NEBL: variants seen among roughly 807,000 people sequenced by gnomAD.
NEBL encodes the protein nebulette.
Under a neutral mutation model 140.2 loss-of-function variants are expected in NEBL, and 122 were observed. That is an observed-to-expected ratio of 0.87 (90% CI 0.75 to 1.01). The LOEUF (loss-of-function observed/expected upper bound fraction) is 1.01, where lower values mean the gene tolerates loss of function less well. Ranked by LOEUF, NEBL falls within the 50% of genes least tolerant of loss-of-function variation. The pLI is 0.00. For missense variants in NEBL, 1,365 were observed against 1,231.3 expected, an observed-to-expected ratio of 1.11 and a Z score of -1.62; for synonymous variants, 436 against 398.9, an observed-to-expected ratio of 1.09 and a Z score of -1.11.
intron 1 of NEBL, among the ~76,000 whole-genome samples, chr10:21,264,598 T>C (rs1387464681): frequency 6.7e-6 from 1 of 148,666 alleles, no homozygotes; most frequent in Non-Finnish European, 1.5e-5. Context: ...TGATGATTAA[T>C]GCAGAGGTGT....
intron 2 of NEBL, among the ~76,000 whole-genome samples, chr10:21,086,968 C>T (rs1221071421): frequency 6.6e-6 from 1 of 151,770 alleles, no homozygotes; most frequent in Non-Finnish European, 1.5e-5. Flanking sequence ...GTTGTCTGCT[C>T]AACTACCCAT....
intron 2 of NEBL, among the ~76,000 whole-genome samples, chr10:21,065,458 A>G (rs1835493986): frequency 6.6e-6 from 1 of 152,226 alleles, no homozygotes; most frequent in African/African-American, 2.4e-5. Context: ...TAGTTTTTCC[A>G]CCCACAGTGC....
rs986348668 is a variant in NEBL, at chr10:20,821,040, G to A, written c.1963-1524C>T. On this transcript the variant is annotated intron_variant, in intron 19 of 27. Coordinates refer to ENST00000377122, the MANE Select transcript of NEBL (RefSeq NM_006393.3). ...AGATGTTACGCAGATTCTTGTGACC[G>A]GGTGATTGAGCTAAAGGGAGGAATG... 3.9e-5 allele frequency among the ~76,000 whole-genome samples: 6 copies of A among 152,080 alleles called. No individual in the cohort carries two copies. In the South Asian group the frequency reaches 8.3e-4, roughly 21 times the overall value.
intron 5 of NEBL, among the ~76,000 whole-genome samples, chr10:20,871,474 G>A (rs1844923643): frequency 6.6e-6 from 1 of 152,096 alleles, no homozygotes; most frequent in African/African-American, 2.4e-5. Context: ...TGTAAGAAGT[G>A]ACAATGCATT....
At chr10:21,050,727 A>G (rs1834740223) in intron 2 of NEBL, among the ~76,000 whole-genome samples, 3 of 152,202 alleles carry the variant, frequency 2.0e-5, no homozygotes, top group African/African-American at 7.2e-5. Flanking sequence ...GGGTGGGAGA[A>G]CAATAGTAGA....
At chr10:20,946,791 T>C (rs58401847) in intron 4 of NEBL, among the ~76,000 whole-genome samples, 39,188 of 152,192 alleles carry the variant, frequency 0.26, 5,327 homozygotes, top group Middle Eastern at 0.4. Context: ...GGTAGAGTCT[T>C]AATATCAGGA....
At chr10:21,109,678 CTTG>C (rs1837888685) in intron 2 of NEBL, among the ~76,000 whole-genome samples, 1 of 152,080 alleles carries the variant, frequency 6.6e-6, no homozygotes, top group Non-Finnish European at 1.5e-5. Flanking sequence ...AATTTCAGAA[CTTG>C]TTGTTGGTCT....
rs1036451253 is a variant in NEBL, at chr10:21,189,306, G to T, written n.349-16829C>A. 2.0e-5 allele frequency among the ~76,000 whole-genome samples: 3 copies of T among 152,088 alleles called. No homozygotes were observed. The East Asian group carries it at 5.8e-4, about 29-fold the overall frequency. On this transcript the variant is annotated intron_variant and non_coding_transcript_variant, in intron 3 of 8. Transcript: ENST00000675702. ...AATGTGACCACACAGGTAGAGACTG[G>T]AGTGATGCAACCACAAGCCAAGGAA...
intron 3 of NEBL, among the ~76,000 whole-genome samples, chr10:20,979,325 GA>G (rs1179760744): frequency 1.5e-4 from 21 of 143,608 alleles, no homozygotes; most frequent in African/African-American, 3.8e-4. Flanking sequence ...TATAAATGAA[GA>G]AAAAAAAAAG....
At chr10:21,232,552 T>C (rs1011006667) in intron 3 of NEBL, among the ~76,000 whole-genome samples, 1 of 152,192 alleles carries the variant, frequency 6.6e-6, no homozygotes, top group African/African-American at 2.4e-5. Flanking sequence ...AGGGAGACAG[T>C]AACAGGTCAT....
At chr10:20,899,446 C>G (rs759996634), upstream of NEBL, 5 of 1,296,430 alleles carry the variant, frequency 3.9e-6, no homozygotes, top group Non-Finnish European at 5.1e-6. Flanking sequence ...GGACTCTTCA[C>G]TGTGCTGCAA....
At chr10:20,952,766 A>T (rs1017814795) in intron 4 of NEBL, among the ~76,000 whole-genome samples, 1 of 151,666 alleles carries the variant, frequency 6.6e-6, no homozygotes, top group Non-Finnish European at 1.5e-5. Flanking sequence ...TTAGCTGGGC[A>T]TGGTGGTACA....
intron 3 of NEBL, among the ~76,000 whole-genome samples, chr10:20,964,002 T>C (rs1171969635): frequency 6.6e-6 from 1 of 152,202 alleles, no homozygotes; most frequent in African/African-American, 2.4e-5. Flanking sequence ...CCACCCACTT[T>C]CATCCTATTT....
chr10:20,917,127 C>T (rs1393894905), intron 4 of NEBL, among the ~76,000 whole-genome samples: 2 of 152,282 alleles, frequency 1.3e-5, no homozygotes, highest in African/African-American at 4.8e-5. Context: ...CCATGTGTGC[C>T]TAGCACAAAG....
chr10:20,923,060 T>C lies in NEBL; in HGVS notation c.357+38612A>G, dbSNP rs1833670953. Among the ~76,000 whole-genome samples the C allele has an allele frequency of 2.0e-5, 3 of 152,120 alleles. No homozygotes were observed. The South Asian group carries it at 6.2e-4, about 32-fold the overall frequency. On this transcript the variant is annotated intron_variant, in intron 4 of 6. Coordinates refer to the NEBL transcript ENST00000417816. ...ACAATCTCTCTCTTGTTCTTCTTTT[T>C]CTTCTTTTTCTTTTCTTTTCTTTTA...
At chr10:20,789,968 T>TATAC (rs1554770021) in intron 26 of NEBL, among the ~76,000 whole-genome samples, 2 of 150,188 alleles carry the variant, frequency 1.3e-5, no homozygotes, top group African/African-American at 4.9e-5. Flanking sequence ...TATATATATA[T>TATAC]ACACACACAC....
chr10:21,064,386 C>A (rs1835438223), intron 2 of NEBL, among the ~76,000 whole-genome samples: 1 of 152,036 alleles, frequency 6.6e-6, no homozygotes, highest in Non-Finnish European at 1.5e-5. Context: ...TCCCAGAAAA[C>A]AATCCAGGTT....
intron 16 of NEBL, among the ~76,000 whole-genome samples, chr10:20,830,744 A>G (rs933174434): frequency 4.0e-5 from 6 of 151,330 alleles, no homozygotes; most frequent in Non-Finnish European, 8.8e-5. Context: ...CAAAAAAAAA[A>G]AAAGAAAGAA....
At chr10:21,145,150 T>C (rs1188757585) in intron 2 of NEBL, among the ~76,000 whole-genome samples, 1 of 152,144 alleles carries the variant, frequency 6.6e-6, no homozygotes, top group Non-Finnish European at 1.5e-5. Flanking sequence ...ATTCACAAGA[T>C]AGGGAAAGAT....
Sources: allele counts gnomAD v4.1 joint callset (sites outside exome capture counted in the v4.1 genomes callset), GRCh38; gene constraint gnomAD v4.1.1; transcripts MANE v1.5; gene names NCBI Gene and HGNC (gene_info 2026-07-23, HGNC 2026-07-21).